KHDC1: variants seen among roughly 807,000 people sequenced by gnomAD.
KHDC1 encodes the protein KH homology domain-containing protein 1.
A neutral mutation model predicts 24.7 loss-of-function variants in KHDC1; 21 were observed. The observed-to-expected ratio is 0.85, with a 90% CI of 0.60 to 1.23. The LOEUF is 1.23. Among genes scored for constraint, KHDC1 ranks in the 50% most tolerant of loss-of-function variants. The pLI is 0.00. For synonymous variants in KHDC1, 98 were observed against 111.7 expected, an observed-to-expected ratio of 0.88 and a Z score of 0.77; for missense variants, 274 against 298.5, an observed-to-expected ratio of 0.92 and a Z score of 0.61.
chr6:73,279,887 T>G (rs1767373552), intron 2 of KHDC1, among the ~76,000 whole-genome samples: 1 of 152,134 alleles, frequency 6.6e-6, no homozygotes, highest in Non-Finnish European at 1.5e-5. Flanking sequence ...AGATGAGGTA[T>G]TATTACATCA....
At chr6:73,289,836 C>T (rs1767606761) in intron 2 of KHDC1, among the ~76,000 whole-genome samples, 1 of 150,550 alleles carries the variant, frequency 6.6e-6, no homozygotes, top group East Asian at 2.0e-4. Context: ...CGCGGTGGCT[C>T]ACGCCTGTAA....
At chr6:73,243,420 C>G (rs1306856205) in intron 2 of KHDC1, among the ~76,000 whole-genome samples, 1 of 152,232 alleles carries the variant, frequency 6.6e-6, no homozygotes, top group African/African-American at 2.4e-5. Flanking sequence ...GGGTTCAGAT[C>G]TACACCATTG....
At chr6:73,241,798 C>T in intron 4 of KHDC1, 70 bp from the exon 4 acceptor site, 1 of 1,535,738 alleles carries the variant, frequency 6.5e-7, no homozygotes, top group Admixed American at 1.8e-5. Flanking sequence ...GCCTGGACTC[C>T]ATCAGGGAGG....
At chr6:73,278,960 G>A (rs1200771700) in intron 2 of KHDC1, among the ~76,000 whole-genome samples, 1 of 152,078 alleles carries the variant, frequency 6.6e-6, no homozygotes, top group Non-Finnish European at 1.5e-5. Flanking sequence ...CTCACACTTG[G>A]CTACAAACTC....
chr6:73,258,968 A>C (rs1766929213), intron 2 of KHDC1, among the ~76,000 whole-genome samples: 2 of 152,182 alleles, frequency 1.3e-5, no homozygotes, highest in South Asian at 2.1e-4. Context: ...GCCTGACCCA[A>C]CGGGAGCCCA....
At chr6:73,303,490 C>T (rs949817214) in intron 1 of KHDC1, among the ~76,000 whole-genome samples, 2 of 152,156 alleles carry the variant, frequency 1.3e-5, no homozygotes, top group African/African-American at 4.8e-5. Flanking sequence ...TTTAGTAATA[C>T]AAATGGAAGA....
intron 2 of KHDC1, among the ~76,000 whole-genome samples, chr6:73,252,679 T>C (rs1274129897): frequency 6.6e-6 from 1 of 151,802 alleles, no homozygotes; most frequent in Admixed American, 6.6e-5. Context: ...TAGCTAACCA[T>C]GGTGGCTCAC....
intron 2 of KHDC1, among the ~76,000 whole-genome samples, chr6:73,255,164 T>C (rs1421175503): frequency 6.7e-6 from 1 of 150,024 alleles, no homozygotes; most frequent in Non-Finnish European, 1.5e-5. Context: ...CAAATGAAAA[T>C]GACTTAGCTG....
chr6:73,263,003 G>A, intron 2 of KHDC1: 1 of 1,016,636 alleles, frequency 9.8e-7, no homozygotes, highest in Non-Finnish European at 1.2e-6. Flanking sequence ...AGGAGGTGAG[G>A]GTGGCGCGCC....
At chr6:73,294,253 C>T (rs1475659730) in intron 1 of KHDC1, among the ~76,000 whole-genome samples, 2 of 151,954 alleles carry the variant, frequency 1.3e-5, no homozygotes, top group African/African-American at 4.8e-5. Context: ...CTGCTGTGTC[C>T]CCAGCATAAA....
At chr6:73,263,423 G>A in intron 2 of KHDC1, 1 of 366,764 alleles carries the variant, frequency 2.7e-6, no homozygotes, top group Non-Finnish European at 3.8e-6. Context: ...CTTGGTGAGT[G>A]GCCTCCAGGC....
intron 2 of KHDC1, among the ~76,000 whole-genome samples, chr6:73,248,222 T>C (rs1055487172): frequency 6.6e-6 from 1 of 152,180 alleles, no homozygotes; most frequent in Non-Finnish European, 1.5e-5. Context: ...GTGAGAAATA[T>C]GAGACCACAT....
At chr6:73,259,689 G>A (rs995939760) in intron 2 of KHDC1, among the ~76,000 whole-genome samples, 7 of 152,116 alleles carry the variant, frequency 4.6e-5, no homozygotes, top group Admixed American at 2.6e-4. Flanking sequence ...TCCTCTCCTG[G>A]CCCCTTCTCC....
At chr6:73,298,159 T>TA (rs1240451724) in intron 1 of KHDC1, among the ~76,000 whole-genome samples, 15 of 146,958 alleles carry the variant, frequency 1.0e-4, no homozygotes, top group East Asian at 7.9e-4. Flanking sequence ...AGACTCTGTC[T>TA]AAAAAAAAAA....
At chr6:73,256,347 T>A (rs912907050) in intron 2 of KHDC1, among the ~76,000 whole-genome samples, 2 of 152,178 alleles carry the variant, frequency 1.3e-5, no homozygotes, top group Non-Finnish European at 2.9e-5. Flanking sequence ...TTTATAAACT[T>A]ATAGAAAATA....
At chr6:73,304,681 A>C (rs752726847) in intron 1 of KHDC1, among the ~76,000 whole-genome samples, 2 of 152,182 alleles carry the variant, frequency 1.3e-5, no homozygotes, top group African/African-American at 2.4e-5. Context: ...AAAATTAAGT[A>C]AAATCAAAGA....
exon 4 of KHDC1, chr6:73,242,227 G>A (rs1170154021): frequency 3.7e-6 from 6 of 1,613,132 alleles, no homozygotes; most frequent in Non-Finnish European, 5.1e-6. Context: ...GAAGGTATGT[G>A]TCACCATGCC....
At chr6:73,287,089 T>G (rs749690243) in intron 2 of KHDC1, among the ~76,000 whole-genome samples, 5 of 152,146 alleles carry the variant, frequency 3.3e-5, no homozygotes, top group Non-Finnish European at 7.3e-5. Flanking sequence ...ATAGACTATA[T>G]ACGGCAAATA....
At chr6:73,298,148 G>C (rs552796445) in intron 1 of KHDC1, among the ~76,000 whole-genome samples, 159 of 151,966 alleles carry the variant, frequency 1.0e-3, no homozygotes, top group African/African-American at 3.7e-3. Context: ...GTGACAAAAC[G>C]AGACTCTGTC....
Sources: allele counts gnomAD v4.1 joint callset (sites outside exome capture counted in the v4.1 genomes callset), GRCh38; gene constraint gnomAD v4.1.1; transcripts MANE v1.5; gene names NCBI Gene and HGNC (gene_info 2026-07-23, HGNC 2026-07-21).